PRKAR1A: variants seen among roughly 807,000 people sequenced by gnomAD.
The protein encoded by PRKAR1A is protein kinase cAMP-dependent type I regulatory subunit alpha.
Under a neutral mutation model 52.0 loss-of-function variants are expected in PRKAR1A, and 3 were observed. The observed-to-expected ratio is 0.06, with a 90% CI of 0.03 to 0.15. PRKAR1A has a LOEUF of 0.15. Ranked by LOEUF, PRKAR1A falls within the 10% of genes least tolerant of loss-of-function variation. PRKAR1A has a pLI of 1.00. For missense variants in PRKAR1A, 240 were observed against 477.4 expected (o/e 0.50, Z 4.63); for synonymous variants, 188 against 168.4 (o/e 1.12, Z -0.90).
chr17:68,471,892 C>G, the PRKAR1A span, among the ~76,000 whole-genome samples: 1 of 152,070 alleles, frequency 6.6e-6, no homozygotes, highest in Non-Finnish European at 1.5e-5. Context: ...ACTCTGCCTC[C>G]CAGGTTCAAG....
chr17:68,488,135 G>A, the PRKAR1A span, among the ~76,000 whole-genome samples: 7 of 152,202 alleles, frequency 4.6e-5, no homozygotes, highest in South Asian at 1.5e-3. Flanking sequence ...AGGAAGTGGG[G>A]CAGTGAGCCC....
At chr17:68,426,160 C>T in the PRKAR1A span, 1 of 1,608,746 alleles carries the variant, frequency 6.2e-7, no homozygotes, top group South Asian at 1.1e-5. Context: ...CAGCGCCCCG[C>T]CGTCCTCAGA....
At position 68,533,329 on chromosome 17, in the gene PRKAR1A, G is replaced by A. The variant is rs1304936590; in HGVS notation, c.*2880G>A. ...GTTAGAAGAGCATTCTTTAAATTGT[G>A]TTGCTTTGAACATGTGTACCTTTTC... On this transcript the variant is annotated 3_prime_UTR_variant, in exon 11 of 11. Coordinates refer to ENST00000589228, the MANE Select transcript of PRKAR1A (RefSeq NM_002734.5). 9.4e-7 allele frequency: 1 copy of A among 1,063,064 alleles called. No individual in the cohort carries two copies. The highest frequency in any genetic ancestry group is 1.6e-5 in the African/African-American group (1 of 60,972). The allele number at this position is 1,063,064 out of a possible 1,614,324, so 65.9% of individuals were successfully genotyped here. A position where few individuals can be genotyped will look rare whatever the true frequency, so the allele number is the denominator to read the frequency against.
chr17:68,536,449 G>T (rs1398408808), downstream of PRKAR1A: 1 of 454,122 alleles, frequency 2.2e-6, no homozygotes, highest in East Asian at 6.9e-5. Context: ...GAAGGTAGAG[G>T]AGACAAGGAA....
the PRKAR1A span, among the ~76,000 whole-genome samples, chr17:68,445,737 C>T: frequency 0.082 from 12,516 of 152,270 alleles, 671 homozygotes; most frequent in South Asian, 0.19. Flanking sequence ...AGTACAAGGG[C>T]AGACATCGGT....
chr17:68,542,785 C>A, intron 11 of PRKAR1A: 1 of 1,613,976 alleles, frequency 6.2e-7, no homozygotes, highest in Non-Finnish European at 8.5e-7. Context: ...CCACTGTTGG[C>A]GGCACCCGTC....
At chr17:68,435,075 C>T in the PRKAR1A span, among the ~76,000 whole-genome samples, 6 of 152,088 alleles carry the variant, frequency 3.9e-5, no homozygotes, top group African/African-American at 1.4e-4. Context: ...GGCGTGGCAG[C>T]ATGTGCCTGT....
chr17:68,541,883 G>A, intron 11 of PRKAR1A: 1 of 1,384,076 alleles, frequency 7.2e-7, no homozygotes, highest in Non-Finnish European at 9.9e-7. Flanking sequence ...GGAGTATTGA[G>A]GCAGCTTTTC....
At chr17:68,439,218 T>C in the PRKAR1A span, among the ~76,000 whole-genome samples, 1 of 152,104 alleles carries the variant, frequency 6.6e-6, no homozygotes, top group South Asian at 2.1e-4. Context: ...AGTCAAAAAG[T>C]GGAAATAACC....
At chr17:68,437,690 A>G in the PRKAR1A span, among the ~76,000 whole-genome samples, 3 of 152,206 alleles carry the variant, frequency 2.0e-5, no homozygotes, top group African/African-American at 7.2e-5. Context: ...CATTGAGACA[A>G]ACTAAATAAA....
the PRKAR1A span, among the ~76,000 whole-genome samples, chr17:68,465,625 ATTTT>A: frequency 6.1e-3 from 410 of 67,194 alleles, 5 homozygotes; most frequent in African/African-American, 0.021. Context: ...ACGCCCAGCA[ATTTT>A]TTTTTTTTTT....
chr17:68,508,206 CA>C (rs2085221536), upstream of PRKAR1A, among the ~76,000 whole-genome samples: 1 of 152,140 alleles, frequency 6.6e-6, no homozygotes, highest in African/African-American at 2.4e-5. Context: ...AAATACAAAT[CA>C]TTGTATCATA....
the PRKAR1A span, among the ~76,000 whole-genome samples, chr17:68,486,469 CTCTCCTTCCTTCCT>C: frequency 8.3e-4 from 85 of 102,422 alleles, 1 homozygote; most frequent in African/African-American, 2.5e-3. Context: ...TTCTTTCTTT[CTCTCCTTCCTTCCT>C]TCCTTCCTTC....
downstream of PRKAR1A, chr17:68,537,557 G>A (rs747067542): frequency 1.9e-5 from 31 of 1,613,388 alleles, no homozygotes; most frequent in Non-Finnish European, 2.6e-5. This position sits in a 1 kb window ranked among gnomAD's most constrained non-coding sequence, Gnocchi z 4.2. Flanking sequence ...TGCTGTCCAT[G>A]GGCCACTATG....
the PRKAR1A span, chr17:68,433,439 G>T: frequency 6.3e-7 from 1 of 1,593,872 alleles, no homozygotes; most frequent in South Asian, 1.1e-5. Context: ...TTCGTTTAAT[G>T]AGCATTTGGT....
the PRKAR1A span, among the ~76,000 whole-genome samples, chr17:68,444,745 A>C: frequency 6.6e-6 from 1 of 152,144 alleles, no homozygotes; most frequent in African/African-American, 2.4e-5. Flanking sequence ...ATGGATGTAC[A>C]CACATACACA....
chr17:68,434,818 G>C, the PRKAR1A span, among the ~76,000 whole-genome samples: 1 of 152,164 alleles, frequency 6.6e-6, no homozygotes, highest in Admixed American at 6.5e-5. Flanking sequence ...AACACCCTCT[G>C]TCTACCTTTT....
chr17:68,464,372 C>T, the PRKAR1A span, among the ~76,000 whole-genome samples: 1 of 152,198 alleles, frequency 6.6e-6, no homozygotes, highest in African/African-American at 2.4e-5. Flanking sequence ...TTCCCACAGC[C>T]TCTTACTGAG....
At chr17:68,515,199 A>G (rs2085391619) in intron 1 of PRKAR1A, 195 bp from the exon 2 acceptor site, 1 of 623,382 alleles carries the variant, frequency 1.6e-6, no homozygotes, top group Non-Finnish European at 2.8e-6. Context: ...CCTGAACTAA[A>G]TGAAACATTT....
Sources: allele counts gnomAD v4.1 joint callset (sites outside exome capture counted in the v4.1 genomes callset), GRCh38; gene constraint gnomAD v4.1.1; non-coding constraint Gnocchi (gnomAD v3.1); transcripts MANE v1.5; gene names NCBI Gene and HGNC (gene_info 2026-07-23, HGNC 2026-07-21).